Variants in PPP2R1B observed in about 807,000 individuals in gnomAD.
The protein encoded by PPP2R1B is protein phosphatase 2 scaffold subunit Abeta.
A neutral mutation model predicts 72.7 loss-of-function variants in PPP2R1B; 58 were observed. The observed-to-expected ratio is 0.80, with a 90% CI of 0.65 to 0.99. The LOEUF (loss-of-function observed/expected upper bound fraction) is 0.99, where lower values mean the gene tolerates loss of function less well. PPP2R1B is among the 50% of genes least tolerant of loss of function. The pLI, the probability that PPP2R1B is intolerant of heterozygous loss-of-function variation, is 0.00. For synonymous variants in PPP2R1B, 256 were observed against 264.6 expected (o/e 0.97, Z 0.32); for missense variants, 695 against 733.6 (o/e 0.95, Z 0.61).
chr11:111,698,370 T>C, the PPP2R1B span, among the ~76,000 whole-genome samples: 4 of 152,196 alleles, frequency 2.6e-5, no homozygotes, highest in African/African-American at 9.6e-5. Context: ...CTCTGTCCCA[T>C]TCACTCCTTT....
intron 13 of PPP2R1B, 27 bp from the exon 14 acceptor site, chr11:111,742,171 AAG>A (rs1380835650): frequency 6.4e-7 from 1 of 1,558,770 alleles, no homozygotes; most frequent in Non-Finnish European, 8.8e-7. Flanking sequence ...TTATCTGTGA[AAG>A]ACAGTCTAAT....
downstream of PPP2R1B, chr11:111,726,675 T>C (rs1205685095): frequency 4.7e-6 from 2 of 423,510 alleles, no homozygotes; most frequent in South Asian, 3.1e-5. Flanking sequence ...TAGTGACCCA[T>C]GGAAGCTTCC....
chr11:111,694,871 C>G, the PPP2R1B span, among the ~76,000 whole-genome samples: 1 of 152,128 alleles, frequency 6.6e-6, no homozygotes, highest in Non-Finnish European at 1.5e-5. Flanking sequence ...TGCTTCTTAG[C>G]TCATTGAACT....
the PPP2R1B span, among the ~76,000 whole-genome samples, chr11:111,694,648 C>T: frequency 2.0e-5 from 3 of 152,028 alleles, no homozygotes; most frequent in African/African-American, 7.3e-5. Context: ...GTAAGTCTTC[C>T]ATTTGTTATC....
At chr11:111,746,832 A>G (rs1944720872) in intron 11 of PPP2R1B, among the ~76,000 whole-genome samples, 2 of 152,370 alleles carry the variant, frequency 1.3e-5, no homozygotes, top group African/African-American at 2.4e-5. Flanking sequence ...GAAGAAAAAG[A>G]GAAAGAAGTC....
chr11:111,724,516 T>C (rs1186448624), downstream of PPP2R1B: 2 of 190,010 alleles, frequency 1.1e-5, no homozygotes, highest in Non-Finnish European at 2.2e-5. Flanking sequence ...CTATTGCATA[T>C]ATATGGGGGA....
chr11:111,725,477 G>GCTAA (rs1943936725), downstream of PPP2R1B: 1 of 152,504 alleles, frequency 6.6e-6, no homozygotes, highest in South Asian at 2.1e-4. Context: ...GCTACAGCTA[G>GCTAA]CTAACTGTAT....
chr11:111,740,193 G>A lies in PPP2R1B; in HGVS notation c.*1403C>T. On this transcript the variant is annotated 3_prime_UTR_variant, in exon 15 of 15. Transcript: ENST00000527614. ...AAACCCCCTTAACCAAAAGTCATGA[G>A]ACAAGGTGAGTTTGATTATGTGAAA... 2.0e-6 allele frequency: 2 copies of A among 985,336 alleles called. No individual in the cohort carries two copies. The highest frequency in any genetic ancestry group is 2.4e-6 in the Non-Finnish European group (2 of 829,858). 61.0% of individuals were successfully genotyped at this position (985,336 alleles called of 1,614,324 possible).
chr11:111,737,188 G>A (rs754300922), downstream of PPP2R1B, among the ~76,000 whole-genome samples: 50 of 152,198 alleles, frequency 3.3e-4, no homozygotes, highest in Non-Finnish European at 6.5e-4. Flanking sequence ...ACTGGGAGGT[G>A]ATAGGAGATG....
chr11:111,742,361 T>G, intron 13 of PPP2R1B, 162 bp downstream of exon 13: 1 of 838,890 alleles, frequency 1.2e-6, no homozygotes, highest in Non-Finnish European at 1.8e-6. Context: ...ATAAAAGTCA[T>G]AGTGGACATC....
chr11:111,726,954 A>T, exon 16 of PPP2R1B: 1 of 1,611,846 alleles, frequency 6.2e-7, no homozygotes, highest in Non-Finnish European at 8.5e-7. Flanking sequence ...TCTTTTTTTA[A>T]ATCTGGGGTA....
chr11:111,744,764 T>C (rs79668109), intron 11 of PPP2R1B, among the ~76,000 whole-genome samples: 1 of 152,196 alleles, frequency 6.6e-6, no homozygotes, highest in East Asian at 1.9e-4. Context: ...AATAGGCAAC[T>C]TCTTCTATTC....
chr11:111,700,552 A>C, the PPP2R1B span, among the ~76,000 whole-genome samples: 1 of 152,198 alleles, frequency 6.6e-6, no homozygotes, highest in Non-Finnish European at 1.5e-5. Context: ...TCATCAGGTA[A>C]TTGAAATTCT....
the PPP2R1B span, among the ~76,000 whole-genome samples, chr11:111,711,977 C>T: frequency 1.3e-5 from 2 of 152,260 alleles, no homozygotes; most frequent in Admixed American, 1.3e-4. Flanking sequence ...AGCATCCCCT[C>T]ATGAGGCAGA....
In PPP2R1B at chr11:111,752,206, C is replaced by A. The variant is rs1360494896; in HGVS notation, c.1291G>T (p.Val431Phe). The change falls in exon 10 of 15, where the codon GTC becomes TTC. Residue 431 changes from valine to phenylalanine, a missense_variant. Transcript: ENST00000527614. The stretch of plus-strand genomic sequence containing the variant: ...ATATACTCAATGATGGCCAGGCGGA[C>A]CCTCCATTTGGCATCTTCTGCCAGC... The part of the protein sequence containing the change: ...VELAEDAKWR[V>F]RLAIIEYMPL... 1 of 1,613,968 alleles carries A rather than the reference C, an allele frequency of 6.2e-7. No homozygotes were observed. The highest frequency in any genetic ancestry group is 1.3e-5 in the African/African-American group (1 of 75,036).
At chr11:111,715,149 C>T in the PPP2R1B span, among the ~76,000 whole-genome samples, 4,428 of 152,306 alleles carry the variant, frequency 0.029, 215 homozygotes, top group African/African-American at 0.099. Flanking sequence ...AGCAGTGCCA[C>T]GCTGGAGCTG....
At chr11:111,717,951 T>C in the PPP2R1B span, among the ~76,000 whole-genome samples, 766 of 152,194 alleles carry the variant, frequency 5.0e-3, 4 homozygotes, top group African/African-American at 0.017. Context: ...TCAGGAAGAA[T>C]AGCTGATGCA....
downstream of PPP2R1B, among the ~76,000 whole-genome samples, chr11:111,734,104 G>C (rs1591666281): frequency 1.3e-5 from 2 of 152,200 alleles, no homozygotes; most frequent in East Asian, 3.8e-4. Flanking sequence ...TACTGCGAGG[G>C]GCAAATGCAG....
At chr11:111,698,746 A>G in the PPP2R1B span, among the ~76,000 whole-genome samples, 290 of 152,316 alleles carry the variant, frequency 1.9e-3, 1 homozygote, top group Admixed American at 5.6e-3. Context: ...CAACCTTACC[A>G]GTGCTATTTG....
Sources: allele counts gnomAD v4.1 joint callset (sites outside exome capture counted in the v4.1 genomes callset), GRCh38; gene constraint gnomAD v4.1.1; transcripts MANE v1.5; gene names NCBI Gene and HGNC (gene_info 2026-07-23, HGNC 2026-07-21).